Variants in CHEK2 observed in about 807,000 individuals in gnomAD.
CHEK2 encodes the protein serine/threonine-protein kinase Chk2.
A neutral mutation model predicts 69.1 loss-of-function variants in CHEK2; 71 were observed. That is an observed-to-expected ratio of 1.03 (90% CI 0.85 to 1.25). The LOEUF (loss-of-function observed/expected upper bound fraction) is 1.25, where lower values mean the gene tolerates loss of function less well. Ranked by LOEUF, CHEK2 falls within the 50% of genes most tolerant of loss-of-function variation. CHEK2 has a pLI of 0.00. For synonymous variants in CHEK2, 189 were observed against 226.9 expected (o/e 0.83, Z 1.50); for missense variants, 664 against 649.6 (o/e 1.02, Z -0.24).
intron 2 of CHEK2, among the ~76,000 whole-genome samples, chr22:28,728,889 T>G (rs1172553973): frequency 2.0e-5 from 3 of 151,498 alleles, no homozygotes. Flanking sequence ...GAGGCTGAGG[T>G]AGGAGTTGAG....
chr22:28,692,471 T>TTTTGTTTGTTTGTTTG (rs35397484), intron 13 of CHEK2, among the ~76,000 whole-genome samples: 5 of 150,568 alleles, frequency 3.3e-5, no homozygotes, highest in African/African-American at 1.2e-4. Context: ...ATATGTCTTT[T>TTTTGTTTGTTTGTTTG]TTTGTTTGTT....
intron 7 of CHEK2, among the ~76,000 whole-genome samples, chr22:28,707,830 CTTT>C (rs11453597): frequency 2.1e-4 from 22 of 102,460 alleles, no homozygotes; most frequent in Middle Eastern, 7.4e-3. Flanking sequence ...TTGTGTTTAT[CTTT>C]TTTTTTTTTT....
At chr22:28,716,213 T>C (rs74338803) in intron 5 of CHEK2, among the ~76,000 whole-genome samples, 18 of 150,790 alleles carry the variant, frequency 1.2e-4, no homozygotes, top group Non-Finnish European at 2.1e-4. Flanking sequence ...TTTTTTTTTT[T>C]TGAGACAGAG....
intron 13 of CHEK2, among the ~76,000 whole-genome samples, chr22:28,693,298 C>G (rs951482643): frequency 2.5e-4 from 38 of 152,288 alleles, no homozygotes; most frequent in Admixed American, 2.0e-3. Flanking sequence ...CAACCCCTAG[C>G]AGGAGCACAG....
Position 28,725,223 on chromosome 22 carries a change from C to A in CHEK2, c.444+20G>T, listed in dbSNP as rs755989738. 28 of 1,613,868 alleles carry A rather than the reference C, an allele frequency of 1.7e-5. No individual in the cohort carries two copies. The highest frequency in any genetic ancestry group is 1.9e-5 in the Non-Finnish European group (23 of 1,179,914). ...ACCAAATTACCAGCTCTCCTAGATA[C>A]ATGGGTATTCATTACCTACCCTGAA... On this transcript the variant is annotated intron_variant, in intron 3 of 14. Coordinates refer to ENST00000404276, the MANE Select transcript of CHEK2 (RefSeq NM_007194.4).
At chr22:28,726,790 A>G (rs1249405153) in intron 2 of CHEK2, among the ~76,000 whole-genome samples, 2 of 141,948 alleles carry the variant, frequency 1.4e-5, no homozygotes, top group Non-Finnish European at 3.0e-5. Context: ...ACTCTTCCTC[A>G]TGGCCTACTA....
chr22:28,701,825 C>CT (rs1396309478), intron 8 of CHEK2, among the ~76,000 whole-genome samples: 1 of 152,218 alleles, frequency 6.6e-6, no homozygotes, highest in Non-Finnish European at 1.5e-5. Context: ...CAGAGTAGAG[C>CT]TGTCCCTCAG....
At chr22:28,703,359 C>A (rs1312269554) in intron 8 of CHEK2, 146 bp downstream of exon 8, 1 of 621,388 alleles carries the variant, frequency 1.6e-6, no homozygotes, top group Admixed American at 2.7e-5. Context: ...ATATTAACCC[C>A]CTATACACAG....
intron 2 of CHEK2, among the ~76,000 whole-genome samples, chr22:28,730,264 G>GGAAGGGAA (rs1569164913): frequency 1.9e-3 from 1 of 534 alleles, no homozygotes; most frequent in Non-Finnish European, 3.1e-3. Flanking sequence ...GAGGGGAGGG[G>GGAAGGGAA]AGGAAAGGAA....
At chr22:28,690,403 C>A (rs1488494542) in intron 13 of CHEK2, among the ~76,000 whole-genome samples, 2 of 150,916 alleles carry the variant, frequency 1.3e-5, no homozygotes, top group African/African-American at 2.4e-5. Flanking sequence ...CCAAGGCAGG[C>A]GAATCGCCTG....
chr22:28,721,507 G>A (rs998037128), intron 4 of CHEK2: 13 of 366,352 alleles, frequency 3.5e-5, no homozygotes, highest in East Asian at 1.5e-4. Context: ...GGCTGGTCTC[G>A]AACTCCTGAC....
intron 4 of CHEK2, 148 bp from the exon 5 acceptor site, chr22:28,719,633 T>A (rs2053703273): frequency 1.7e-6 from 1 of 588,876 alleles, no homozygotes; most frequent in South Asian, 2.1e-5. Context: ...ATGTATGTAA[T>A]ATAATAGGTA....
rs754689169 is a variant in CHEK2, at chr22:28,724,999, T to C, written c.570A>G (p.Ala190=). 6.2e-7 allele frequency: 1 copy of C among 1,614,062 alleles called. No homozygotes were observed. Among genetic ancestry groups the C allele is most frequent in the Non-Finnish European group, 8.5e-7 (1 of 1,180,002 alleles). The change falls in exon 4 of 15, where the codon GCA becomes GCG. Residue 190 remains alanine, a synonymous_variant. Coordinates refer to ENST00000404276, the MANE Select transcript of CHEK2 (RefSeq NM_007194.4). ...RRPLNNNSEI[A]LSLSRNKVFV... ...TACCTTTATTTCTGCTTAGTGACAGTGCAATTTCAGAATTGTTATTCAAAG... is the reference window on the plus strand; with the variant it reads ...TACCTTTATTTCTGCTTAGTGACAGCGCAATTTCAGAATTGTTATTCAAAG...
chr22:28,734,210 T>G (rs1033352322), intron 2 of CHEK2, among the ~76,000 whole-genome samples, 193 bp downstream of exon 2: 1 of 152,174 alleles, frequency 6.6e-6, no homozygotes, highest in Non-Finnish European at 1.5e-5. Flanking sequence ...TCCTGTGACA[T>G]GTACTTTAGC....
intron 9 of CHEK2, 86 bp downstream of exon 9, chr22:28,699,752 C>T (rs190252542): frequency 6.7e-4 from 633 of 950,544 alleles, no homozygotes; most frequent in Non-Finnish European, 9.8e-4. Flanking sequence ...GAGTTTTAAT[C>T]CACGGTCCCT....
Position 28,696,950 on chromosome 22 carries a change from T to C in CHEK2, c.1046A>G (p.Lys349Arg), listed in dbSNP as rs1235802399. 2 of 1,613,478 alleles carry C rather than the reference T, an allele frequency of 1.2e-6. No individual in the cohort carries two copies. Among genetic ancestry groups the C allele is most frequent in the East Asian group, 2.2e-5 (1 of 44,880 alleles). ...AGATGACAGTAAAACATTCTCTGGC[T>C]TTAAGTCACGGTGTATAATACCGTT... ...HENGIIHRDL[K>R]PENVLLSSQE... The change falls in exon 10 of 15, where the codon AAG becomes AGG. Residue 349 changes from lysine (K) to arginine (R), a missense_variant. Physicochemically the swap from Lys to Arg is conservative, Grantham distance 26. Coordinates refer to ENST00000404276, the MANE Select transcript of CHEK2 (RefSeq NM_007194.4).
intron 9 of CHEK2, among the ~76,000 whole-genome samples, chr22:28,697,290 T>C (rs9625534): frequency 0.07 from 10,598 of 152,160 alleles, 539 homozygotes; most frequent in South Asian, 0.12. Flanking sequence ...AAAATTCAAA[T>C]GGGTAACAGA....
At chr22:28,730,601 T>TA in intron 2 of CHEK2, 1 of 641,296 alleles carries the variant, frequency 1.6e-6, no homozygotes, top group East Asian at 2.9e-5. Flanking sequence ...CTCATGCCTG[T>TA]AATCCCAGCA....
At chr22:28,727,002 C>G (rs371409311) in intron 2 of CHEK2, among the ~76,000 whole-genome samples, 1 of 151,922 alleles carries the variant, frequency 6.6e-6, no homozygotes, top group Non-Finnish European at 1.5e-5. Context: ...ATACTATCTA[C>G]ACAACACTAT....
Sources: allele counts gnomAD v4.1 joint callset (sites outside exome capture counted in the v4.1 genomes callset), GRCh38; gene constraint gnomAD v4.1.1; transcripts MANE v1.5; gene names NCBI Gene and HGNC (gene_info 2026-07-23, HGNC 2026-07-21).